Variants in AUTS2 observed in about 807,000 individuals in gnomAD.
AUTS2 encodes activator of transcription and developmental regulator AUTS2.
In AUTS2, 17 loss-of-function variants were observed where a neutral mutation model predicts 112.4. The ratio of observed to expected loss-of-function variants is 0.15; its 90% CI spans 0.10 to 0.23. The LOEUF (loss-of-function observed/expected upper bound fraction) is 0.23. AUTS2 is among the 10% of genes least tolerant of loss of function. The pLI, the probability that AUTS2 is intolerant of heterozygous loss-of-function variation, is 1.00. For missense variants in AUTS2, 1,510 were observed against 1,701.6 expected (o/e 0.89, Z 1.98); for synonymous variants, 751 against 702.7 (o/e 1.07, Z -1.09).
At chr7:70,626,364 A>T (rs1585399481) in intron 5 of AUTS2, among the ~76,000 whole-genome samples, 3 of 44,856 alleles carry the variant, frequency 6.7e-5, no homozygotes, top group African/African-American at 1.6e-4. Flanking sequence ...TTTCTAAAAA[A>T]AAAAAAAAAA....
At chr7:69,813,419 A>C (rs761595855) in intron 1 of AUTS2, among the ~76,000 whole-genome samples, 2 of 152,184 alleles carry the variant, frequency 1.3e-5, no homozygotes, top group African/African-American at 2.4e-5. Flanking sequence ...GTTTAGAAGG[A>C]CAGTGGCTCT....
chr7:70,307,501 G>A (rs1789542342), intron 4 of AUTS2, among the ~76,000 whole-genome samples: 1 of 152,212 alleles, frequency 6.6e-6, no homozygotes, highest in Non-Finnish European at 1.5e-5. Context: ...GGAAATTATA[G>A]CTAGTGTGCT....
chr7:70,120,330 A>G (rs1329953780), intron 3 of AUTS2: 1 of 152,170 alleles, frequency 6.6e-6, no homozygotes, highest in Non-Finnish European at 1.5e-5. Flanking sequence ...TTCTTCTGTG[A>G]TATAATATCA....
At chr7:69,775,554 A>C (rs1788855194) in intron 1 of AUTS2, among the ~76,000 whole-genome samples, 1 of 152,070 alleles carries the variant, frequency 6.6e-6, no homozygotes, top group South Asian at 2.1e-4. Flanking sequence ...CCCTTGACTT[A>C]GATTGGTCTG....
chr7:70,408,386 C>G (rs943315411), intron 4 of AUTS2, among the ~76,000 whole-genome samples: 1 of 152,100 alleles, frequency 6.6e-6, no homozygotes, highest in Non-Finnish European at 1.5e-5. Flanking sequence ...TGGGGACATT[C>G]AAGAGTGGTG....
chr7:70,621,936 T>A (rs1162683210), intron 5 of AUTS2, among the ~76,000 whole-genome samples: 1 of 127,750 alleles, frequency 7.8e-6, no homozygotes, highest in African/African-American at 3.0e-5. Flanking sequence ...AACTTCCACC[T>A]CCTGGGTTTA....
chr7:69,860,822 A>C (rs1255745039), intron 1 of AUTS2, among the ~76,000 whole-genome samples: 1 of 152,210 alleles, frequency 6.6e-6, no homozygotes, highest in South Asian at 2.1e-4. Flanking sequence ...TGCAATGTCA[A>C]CTGCTTTATA....
chr7:70,367,879 A>G (rs1221719088), intron 4 of AUTS2, among the ~76,000 whole-genome samples: 1 of 152,210 alleles, frequency 6.6e-6, no homozygotes, highest in Admixed American at 6.5e-5. Context: ...TGATGAGAGT[A>G]GAGACTGGGT....
At chr7:70,035,396 A>C (rs906734355) in intron 2 of AUTS2, among the ~76,000 whole-genome samples, 1 of 152,176 alleles carries the variant, frequency 6.6e-6, no homozygotes, top group Non-Finnish European at 1.5e-5. Flanking sequence ...AGTCTCACAG[A>C]ATGCAGTTTT....
chr7:70,406,929 G>T (rs1342303488), intron 4 of AUTS2, among the ~76,000 whole-genome samples: 2 of 152,168 alleles, frequency 1.3e-5, no homozygotes, highest in African/African-American at 2.4e-5. Flanking sequence ...GAAGCAGCTG[G>T]CCTGTTCTCA....
intron 1 of AUTS2, among the ~76,000 whole-genome samples, chr7:69,758,620 A>G (rs889888352): frequency 6.6e-6 from 1 of 152,242 alleles, no homozygotes; most frequent in African/African-American, 2.4e-5. Flanking sequence ...TCTAAACTCT[A>G]AAAAGAGTCT....
intron 4 of AUTS2, among the ~76,000 whole-genome samples, chr7:70,423,377 TA>T (rs887380723): frequency 3.9e-5 from 6 of 152,244 alleles, no homozygotes; most frequent in Non-Finnish European, 8.8e-5. Flanking sequence ...TCAGAATCGC[TA>T]GACAAAGTTT....
At chr7:69,979,074 G>A (rs1305626657) in intron 2 of AUTS2, among the ~76,000 whole-genome samples, 2 of 152,116 alleles carry the variant, frequency 1.3e-5, no homozygotes, top group Admixed American at 1.3e-4. Flanking sequence ...CATGATGACT[G>A]CATGTAAACT....
intron 2 of AUTS2, among the ~76,000 whole-genome samples, chr7:69,985,096 C>A (rs1798450305): frequency 6.6e-6 from 1 of 151,846 alleles, no homozygotes; most frequent in Admixed American, 6.6e-5. Flanking sequence ...AAGATGTGGA[C>A]TGGGCATTCC....
chr7:70,741,888 G>A (rs1367681476), intron 6 of AUTS2, among the ~76,000 whole-genome samples: 1 of 152,176 alleles, frequency 6.6e-6, no homozygotes, highest in Non-Finnish European at 1.5e-5. Context: ...TACACTCGTA[G>A]CACACACAGT....
intron 2 of AUTS2, among the ~76,000 whole-genome samples, chr7:69,969,098 A>G (rs1797744296): frequency 6.6e-6 from 1 of 152,038 alleles, no homozygotes; most frequent in South Asian, 2.1e-4. Flanking sequence ...CCGACCATCC[A>G]TTGTTTGCTG....
At chr7:70,716,821 G>A (rs1810400874) in intron 6 of AUTS2, among the ~76,000 whole-genome samples, 1 of 151,918 alleles carries the variant, frequency 6.6e-6, no homozygotes, top group South Asian at 2.1e-4. Context: ...GTGTGTGTTA[G>A]ATGTATTCGG....
At chr7:70,586,945 A>C (rs1230967262) in intron 5 of AUTS2, among the ~76,000 whole-genome samples, 2 of 152,216 alleles carry the variant, frequency 1.3e-5, no homozygotes, top group Non-Finnish European at 2.9e-5. Context: ...CTGTTTTCAA[A>C]CATGTTTTTG....
In AUTS2 at chr7:69,926,948, A is replaced by T. The variant is rs1796040926; in HGVS notation, c.522+27450A>T. ...ATCTATCATATCTTTATATATATAAAGATATATAACATATATATTATATAT... is the reference window on the plus strand; with the variant it reads ...ATCTATCATATCTTTATATATATAATGATATATAACATATATATTATATAT... On this transcript the variant is annotated intron_variant, in intron 2 of 18. Coordinates refer to ENST00000342771, the MANE Select transcript of AUTS2 (RefSeq NM_015570.4). Among the ~76,000 whole-genome samples the T allele has an allele frequency of 4.1e-5, 6 of 146,882 alleles. No individual in the cohort carries two copies. The Admixed American group carries it at 4.1e-4, about 10-fold the overall frequency.
Sources: allele counts gnomAD v4.1 joint callset (sites outside exome capture counted in the v4.1 genomes callset), GRCh38; gene constraint gnomAD v4.1.1; transcripts MANE v1.5; gene names NCBI Gene and HGNC (gene_info 2026-07-23, HGNC 2026-07-21).